Variants in GABRB2 observed in about 807,000 individuals in gnomAD.
GABRB2 encodes gamma-aminobutyric acid receptor subunit beta-2.
Under a neutral mutation model 54.7 loss-of-function variants are expected in GABRB2, and 16 were observed. The observed-to-expected ratio is 0.29, with a 90% CI of 0.20 to 0.44. The LOEUF (loss-of-function observed/expected upper bound fraction) is 0.44. Ranked by LOEUF, GABRB2 falls within the 20% of genes least tolerant of loss-of-function variation. GABRB2 has a pLI of 1.00. For missense variants in GABRB2, 355 were observed against 644.0 expected (o/e 0.55, Z 4.86); for synonymous variants, 244 against 233.8 (o/e 1.04, Z -0.40).
At chr5:161,419,233 G>A (rs1756776642) in intron 4 of GABRB2, among the ~76,000 whole-genome samples, 1 of 152,156 alleles carries the variant, frequency 6.6e-6, no homozygotes, top group South Asian at 2.1e-4. Context: ...AATCATCAGA[G>A]AAATGCATGT....
chr5:161,332,971 G>T (rs953467627), intron 7 of GABRB2, among the ~76,000 whole-genome samples: 2 of 152,018 alleles, frequency 1.3e-5, no homozygotes, highest in African/African-American at 4.8e-5. Flanking sequence ...ACATTTTCCA[G>T]TTTCAATTTT....
intron 5 of GABRB2, among the ~76,000 whole-genome samples, chr5:161,339,159 T>A (rs1212482071): frequency 6.6e-6 from 1 of 152,108 alleles, no homozygotes; most frequent in Non-Finnish European, 1.5e-5. Flanking sequence ...AGAACTGAAC[T>A]AAGTACTCAG....
chr5:161,307,421 T>C (rs1467100519), intron 9 of GABRB2, among the ~76,000 whole-genome samples: 1 of 152,214 alleles, frequency 6.6e-6, no homozygotes, highest in East Asian at 1.9e-4. Context: ...TTGTAGATGG[T>C]CTTTTGAAAG....
At chr5:161,416,761 T>C (rs983587163) in intron 4 of GABRB2, among the ~76,000 whole-genome samples, 1 of 147,646 alleles carries the variant, frequency 6.8e-6, no homozygotes, top group Non-Finnish European at 1.5e-5. Context: ...TCAAAACATA[T>C]TGTTGTAATA....
At chr5:161,477,057 A>G (rs192937307) in intron 3 of GABRB2, among the ~76,000 whole-genome samples, 3 of 151,998 alleles carry the variant, frequency 2.0e-5, no homozygotes, top group Admixed American at 2.0e-4. Flanking sequence ...TACAGGATAT[A>G]TTTTTAAAAA....
chr5:161,310,677 GCACA>G (rs71579135), intron 9 of GABRB2, among the ~76,000 whole-genome samples: 39,932 of 150,618 alleles, frequency 0.27, 5,558 homozygotes, highest in Admixed American at 0.34. Flanking sequence ...GCGCACGCGC[GCACA>G]CACACACACA....
intron 3 of GABRB2, among the ~76,000 whole-genome samples, chr5:161,535,657 T>A (rs955587261): frequency 6.6e-6 from 1 of 152,204 alleles, no homozygotes; most frequent in Non-Finnish European, 1.5e-5. Flanking sequence ...AGGCTAATAG[T>A]GGCTGTCTCA....
chr5:161,327,843 T>C (rs1481101494), intron 8 of GABRB2, among the ~76,000 whole-genome samples: 1 of 144,536 alleles, frequency 6.9e-6, no homozygotes, highest in Non-Finnish European at 1.5e-5. Flanking sequence ...TATAAGTGCT[T>C]GATCTTGGAA....
At chr5:161,462,525 T>G (rs1758143935) in intron 3 of GABRB2, among the ~76,000 whole-genome samples, 1 of 152,214 alleles carries the variant, frequency 6.6e-6, no homozygotes, top group Non-Finnish European at 1.5e-5. Context: ...TTACACTTCT[T>G]TCATAAGCCC....
At chr5:161,531,528 A>G (rs1203049220) in intron 3 of GABRB2, among the ~76,000 whole-genome samples, 4 of 152,090 alleles carry the variant, frequency 2.6e-5, no homozygotes, top group Admixed American at 2.6e-4. Context: ...TTCTATGTTA[A>G]TGCTTTAGAC....
chr5:161,547,651 T>C (rs898884291), upstream of GABRB2, among the ~76,000 whole-genome samples: 40 of 151,376 alleles, frequency 2.6e-4, no homozygotes, highest in Non-Finnish European at 8.8e-5. Context: ...GAATTATTAG[T>C]GGGCAGGGTG....
At chr5:161,361,004 C>T (rs963384525) in intron 5 of GABRB2, among the ~76,000 whole-genome samples, 14 of 151,520 alleles carry the variant, frequency 9.2e-5, no homozygotes, top group African/African-American at 1.9e-4. Flanking sequence ...GGTGAGACCC[C>T]GTCTCTAATA....
intron 5 of GABRB2, among the ~76,000 whole-genome samples, chr5:161,358,580 C>A (rs1055879292): frequency 6.6e-6 from 1 of 152,114 alleles, no homozygotes; most frequent in Non-Finnish European, 1.5e-5. Flanking sequence ...CTGGCGCCAT[C>A]CCCTTGAGTG....
At chr5:161,326,614 A>C in intron 8 of GABRB2, 133 bp from the exon 9 acceptor site, 1 of 1,120,534 alleles carries the variant, frequency 8.9e-7, no homozygotes. Flanking sequence ...GCTAACAGAG[A>C]ATGGGAATTT....
chr5:161,375,739 T>C (rs1374368414), intron 5 of GABRB2, among the ~76,000 whole-genome samples: 8 of 152,142 alleles, frequency 5.3e-5, no homozygotes, highest in Non-Finnish European at 1.0e-4. Flanking sequence ...CACAATAACA[T>C]CATACGGTTT....
chr5:161,412,842 C>T (rs188968493), intron 4 of GABRB2, among the ~76,000 whole-genome samples: 26 of 152,280 alleles, frequency 1.7e-4, no homozygotes, highest in Non-Finnish European at 3.7e-4. Context: ...ACTAATGCTC[C>T]ATCTTATCTT....
chr5:161,460,645 T>C (rs144855414), intron 3 of GABRB2, among the ~76,000 whole-genome samples: 6 of 152,300 alleles, frequency 3.9e-5, no homozygotes, highest in Non-Finnish European at 2.9e-5. Flanking sequence ...CATCAATTCA[T>C]TCTTCCATTC....
intron 3 of GABRB2, among the ~76,000 whole-genome samples, chr5:161,497,406 A>G (rs1241609272): frequency 6.6e-6 from 1 of 152,084 alleles, no homozygotes; most frequent in African/African-American, 2.4e-5. Flanking sequence ...GAGGATTGCT[A>G]AAGTGTTCTA....
At chr5:161,544,149 G>A (rs1477888849) in intron 3 of GABRB2, among the ~76,000 whole-genome samples, 1 of 152,172 alleles carries the variant, frequency 6.6e-6, no homozygotes, top group East Asian at 1.9e-4. Flanking sequence ...CAAGTCCTGA[G>A]GGGTGGCTTA....
Sources: allele counts gnomAD v4.1 joint callset (sites outside exome capture counted in the v4.1 genomes callset), GRCh38; gene constraint gnomAD v4.1.1; transcripts MANE v1.5; gene names NCBI Gene and HGNC (gene_info 2026-07-23, HGNC 2026-07-21).